BMPR1B: variants seen among roughly 807,000 people sequenced by gnomAD.
BMPR1B encodes the protein bone morphogenetic protein receptor type-1B.
In BMPR1B, 12 loss-of-function variants were observed where a neutral mutation model predicts 59.1. The ratio of observed to expected loss-of-function variants is 0.20; its 90% confidence interval spans 0.13 to 0.33. The LOEUF (loss-of-function observed/expected upper bound fraction) is 0.33. BMPR1B is among the 10% of genes least tolerant of loss of function. BMPR1B has a pLI of 1.00. For synonymous variants in BMPR1B, 237 were observed against 207.3 expected (o/e 1.14, Z -1.23); for missense variants, 550 against 610.9 (o/e 0.90, Z 1.05).
intron 1 of BMPR1B, among the ~76,000 whole-genome samples, chr4:94,785,396 C>T (rs541853279): frequency 3.3e-5 from 5 of 152,288 alleles, no homozygotes; most frequent in South Asian, 4.1e-4. Flanking sequence ...GACTGCTAGT[C>T]GTCAGGGAGC....
At chr4:94,880,999 G>A (rs561489636) in intron 2 of BMPR1B, among the ~76,000 whole-genome samples, 1 of 152,188 alleles carries the variant, frequency 6.6e-6, no homozygotes, top group Admixed American at 6.5e-5. Context: ...ATGCAACATC[G>A]TAATTCTGAA....
intron 4 of BMPR1B, 32 bp downstream of exon 4, chr4:95,104,599 T>C: frequency 6.2e-7 from 1 of 1,612,154 alleles, no homozygotes; most frequent in Non-Finnish European, 8.5e-7. Context: ...AAGCTAGCTT[T>C]AACAAAAAGT....
intron 1 of BMPR1B, among the ~76,000 whole-genome samples, chr4:94,864,819 TA>T (rs1456073620): frequency 6.6e-6 from 1 of 151,912 alleles, no homozygotes; most frequent in Admixed American, 6.6e-5. Context: ...GCCATTCCTT[TA>T]AAAAAAATTT....
intron 2 of BMPR1B, among the ~76,000 whole-genome samples, chr4:94,947,396 G>T (rs994496782): frequency 6.6e-6 from 1 of 152,212 alleles, no homozygotes; most frequent in African/African-American, 2.4e-5. Flanking sequence ...ACTGGATAGT[G>T]TGAGTTTGTT....
intron 3 of BMPR1B, among the ~76,000 whole-genome samples, chr4:95,077,520 A>C (rs1728800789): frequency 6.6e-6 from 1 of 152,164 alleles, no homozygotes; most frequent in African/African-American, 2.4e-5. Flanking sequence ...ACCAAGCACA[A>C]AGCGCACAAG....
chr4:94,914,795 A>G (rs1470569958), intron 2 of BMPR1B, among the ~76,000 whole-genome samples: 3 of 152,086 alleles, frequency 2.0e-5, no homozygotes, highest in Admixed American at 2.0e-4. Context: ...AGATTAGGGG[A>G]CTGTGAGACC....
chr4:95,023,150 A>C (rs1209311286), intron 3 of BMPR1B, among the ~76,000 whole-genome samples: 1 of 152,106 alleles, frequency 6.6e-6, no homozygotes, highest in Admixed American at 6.6e-5. Flanking sequence ...ATATAACCCA[A>C]CGTATTTCCA....
chr4:94,773,606 A>G (rs1722263111), intron 1 of BMPR1B, among the ~76,000 whole-genome samples: 1 of 152,078 alleles, frequency 6.6e-6, no homozygotes. Flanking sequence ...CAGTTGTTGA[A>G]ACGATTTTGT....
chr4:95,093,959 C>T (rs1321989822), intron 3 of BMPR1B, among the ~76,000 whole-genome samples: 1 of 152,066 alleles, frequency 6.6e-6, no homozygotes, highest in Non-Finnish European at 1.5e-5. Flanking sequence ...TGGTTGATTA[C>T]TGCCACACAC....
intron 3 of BMPR1B, among the ~76,000 whole-genome samples, chr4:95,048,012 C>T (rs1176157240): frequency 2.0e-5 from 3 of 152,048 alleles, no homozygotes; most frequent in Non-Finnish European, 4.4e-5. Context: ...CCATGTGTAC[C>T]TAATGTTAAG....
intron 3 of BMPR1B, among the ~76,000 whole-genome samples, chr4:95,003,323 C>A (rs927045753): frequency 6.6e-6 from 1 of 151,976 alleles, no homozygotes; most frequent in Non-Finnish European, 1.5e-5. Context: ...TTTGTGAACT[C>A]ATTTTTATCT....
At chr4:95,124,933 C>T (rs1299938883) in intron 7 of BMPR1B, 50 bp from the exon 8 acceptor site, 2 of 1,540,020 alleles carry the variant, frequency 1.3e-6, no homozygotes, top group Non-Finnish European at 1.8e-6. Flanking sequence ...ATATTTTACT[C>T]CATCATTGCA....
intron 6 of BMPR1B, among the ~76,000 whole-genome samples, chr4:95,121,025 C>G (rs1030183304): frequency 1.3e-5 from 2 of 152,128 alleles, no homozygotes; most frequent in African/African-American, 2.4e-5. Context: ...CCAGGCTGGT[C>G]TTGAACTCCT....
intron 3 of BMPR1B, among the ~76,000 whole-genome samples, chr4:95,040,060 A>G (rs1278031799): frequency 6.6e-6 from 1 of 152,240 alleles, no homozygotes; most frequent in Non-Finnish European, 1.5e-5. Context: ...CTAAATGTGT[A>G]GATCCATAGG....
rs35436544 is a variant in BMPR1B, at chr4:95,116,421, GCACACACACA to G, written c.349+668_349+677del. ...CTCCTCCTCCATGCTTTCAGCGCGC[GCACACACACA>G]CACACACACACACACACACACACAC... On this transcript the variant is annotated intron_variant, in intron 6 of 12. Transcript: ENST00000515059. Among the ~76,000 whole-genome samples the G allele has an allele frequency of 2.8e-3, 347 of 123,248 alleles. 14 individuals carry two copies. The East Asian group carries it at 0.048, about 17-fold the overall frequency. The allele number at this position is 123,248 out of a possible 152,430, so 80.9% of individuals were successfully genotyped here.
chr4:94,821,084 A>ATATG (rs1724190392), intron 1 of BMPR1B, among the ~76,000 whole-genome samples: 1 of 152,242 alleles, frequency 6.6e-6, no homozygotes, highest in African/African-American at 2.4e-5. Flanking sequence ...TCAGAATTTC[A>ATATG]TGTTTACACA....
intron 2 of BMPR1B, among the ~76,000 whole-genome samples, chr4:94,893,295 A>G (rs565624363): frequency 1.3e-4 from 20 of 152,122 alleles, no homozygotes; most frequent in African/African-American, 4.8e-4. Flanking sequence ...CTTTGCACTT[A>G]GTGTTTATAG....
At chr4:94,842,872 A>G (rs1385391561) in intron 1 of BMPR1B, among the ~76,000 whole-genome samples, 2 of 83,506 alleles carry the variant, frequency 2.4e-5, no homozygotes, top group African/African-American at 1.1e-4. Context: ...CTTTTAAAAT[A>G]TGATATTTTC....
intron 1 of BMPR1B, among the ~76,000 whole-genome samples, chr4:94,813,376 C>CA (rs1247720936): frequency 6.6e-6 from 1 of 152,106 alleles, no homozygotes; most frequent in African/African-American, 2.4e-5. Flanking sequence ...GTGAGGAAAC[C>CA]AGCTGTGTGG....
Sources: gnomAD v4.1 joint callset for allele counts (sites outside exome capture counted in the v4.1 genomes callset) on GRCh38, gnomAD v4.1.1 for gene constraint, MANE v1.5 for transcripts, NCBI Gene and HGNC (gene_info 2026-07-23, HGNC 2026-07-21) for gene names.